Variants in PITPNC1 observed in about 807,000 individuals in gnomAD.
PITPNC1 encodes the protein phosphatidylinositol transfer protein cytoplasmic 1, also known as cytoplasmic phosphatidylinositol transfer protein 1.
A neutral mutation model predicts 44.7 loss-of-function variants in PITPNC1; 18 were observed. That is an observed-to-expected ratio of 0.40 (90% CI 0.28 to 0.60). The LOEUF is 0.60. Among genes scored for constraint, PITPNC1 ranks in the 20% least tolerant of loss-of-function variants. PITPNC1 has a pLI of 0.39. For missense variants in PITPNC1, 290 were observed against 418.4 expected (o/e 0.69, Z 2.68); for synonymous variants, 141 against 149.6 (o/e 0.94, Z 0.42).
intron 7 of PITPNC1, among the ~76,000 whole-genome samples, chr17:67,672,851 G>C (rs974658692): frequency 1.3e-5 from 2 of 152,102 alleles, no homozygotes; most frequent in Non-Finnish European, 2.9e-5. Flanking sequence ...TGGGTTGAAG[G>C]TGCCAGGGAT....
chr17:67,430,489 A>G (rs2038840232), intron 1 of PITPNC1, among the ~76,000 whole-genome samples: 1 of 149,754 alleles, frequency 6.7e-6, no homozygotes, highest in South Asian at 2.1e-4. Flanking sequence ...CTCTGTCTCA[A>G]AAACAAAAAC....
In PITPNC1 at chr17:67,553,607, C is replaced by G; in HGVS notation, c.287-3C>G. On this transcript the variant is annotated splice_region_variant and splice_polypyrimidine_tract_variant and intron_variant, in intron 3 of 8. Coordinates refer to ENST00000581322, the MANE Select transcript of PITPNC1 (RefSeq NM_012417.4). ...TCTTCTTCAAATGAACATGTGGAAA[C>G]AGAATACACAGTAAGTTCCATTTAA... 1 of 1,223,900 alleles carries G rather than the reference C, an allele frequency of 8.2e-7. No homozygotes were observed. Among genetic ancestry groups the G allele is most frequent in the Non-Finnish European group, 1.1e-6 (1 of 882,934 alleles). 75.8% of individuals were successfully genotyped at this position (1,223,900 alleles called of 1,614,324 possible). A position where few individuals can be genotyped will look rare whatever the true frequency, so the allele number is the denominator to read the frequency against.
At chr17:67,411,082 CAAAAAAA>C (rs11311248) in intron 1 of PITPNC1, among the ~76,000 whole-genome samples, 2 of 136,472 alleles carry the variant, frequency 1.5e-5, no homozygotes, top group Non-Finnish European at 3.1e-5. Context: ...ACTCCCATCT[CAAAAAAA>C]AAAAAAAAAT....
intron 1 of PITPNC1, among the ~76,000 whole-genome samples, chr17:67,399,618 A>G (rs1328204692): frequency 6.6e-6 from 1 of 152,240 alleles, no homozygotes; most frequent in African/African-American, 2.4e-5. Context: ...AAAGTGAAAG[A>G]ATGTGCATTA....
chr17:67,416,822 C>G (rs1262884525), intron 1 of PITPNC1, among the ~76,000 whole-genome samples: 2 of 151,698 alleles, frequency 1.3e-5, no homozygotes, highest in Non-Finnish European at 2.9e-5. Context: ...CTCTTTTTTT[C>G]TTTTTTTGAG....
At chr17:67,388,127 AT>A (rs1245817326) in intron 1 of PITPNC1, among the ~76,000 whole-genome samples, 1 of 152,048 alleles carries the variant, frequency 6.6e-6, no homozygotes, top group Non-Finnish European at 1.5e-5. Context: ...AAGGTTTAAA[AT>A]TTTTTCACTT....
chr17:67,498,384 A>G (rs889241643), intron 1 of PITPNC1, among the ~76,000 whole-genome samples: 5 of 152,218 alleles, frequency 3.3e-5, no homozygotes, highest in Non-Finnish European at 7.4e-5. Flanking sequence ...ATCTGCAGTC[A>G]GGAGTTCAAG....
intron 1 of PITPNC1, among the ~76,000 whole-genome samples, chr17:67,403,929 G>T (rs2038359686): frequency 6.6e-6 from 1 of 152,192 alleles, no homozygotes; most frequent in South Asian, 2.1e-4. Flanking sequence ...GGCTGAGGCA[G>T]GAGAATCCCT....
intron 1 of PITPNC1, among the ~76,000 whole-genome samples, chr17:67,439,613 T>C (rs1394396780): frequency 1.3e-5 from 2 of 152,166 alleles, no homozygotes; most frequent in Non-Finnish European, 2.9e-5. Flanking sequence ...CATTCATTTA[T>C]TGAAAAATGA....
chr17:67,546,467 C>T (rs1284515815), intron 2 of PITPNC1, among the ~76,000 whole-genome samples: 1 of 152,108 alleles, frequency 6.6e-6, no homozygotes, highest in Admixed American at 6.5e-5. Context: ...TCCCTGTGCT[C>T]CTGTAGGAAC....
At chr17:67,425,616 G>C (rs1184570264) in intron 1 of PITPNC1, among the ~76,000 whole-genome samples, 1 of 151,268 alleles carries the variant, frequency 6.6e-6, no homozygotes, top group African/African-American at 2.4e-5. Context: ...TGCACTCCTG[G>C]GCTCAAGCGA....
At chr17:67,425,195 A>AGGCGCGCG (rs2038736330) in intron 1 of PITPNC1, among the ~76,000 whole-genome samples, 1 of 116,440 alleles carries the variant, frequency 8.6e-6, no homozygotes, top group East Asian at 3.0e-4. Flanking sequence ...GTGCGCGCGC[A>AGGCGCGCG]CGCACACGCA....
At chr17:67,646,562 G>A (rs927388902) in intron 6 of PITPNC1, among the ~76,000 whole-genome samples, 9 of 152,066 alleles carry the variant, frequency 5.9e-5, no homozygotes, top group Admixed American at 2.6e-4. Context: ...TCTCACTGTC[G>A]CCCAAGCTGG....
rs376541017 is a variant in PITPNC1 at position 67,461,260 on chromosome 17, A to G, written c.49-71542A>G. ...TCAAATGAGAAGTAAAACATATTCT[A>G]TAAGTTTTGAAAATGCTTCTATAAA... On this transcript the variant is annotated intron_variant, in intron 1 of 8. Coordinates refer to ENST00000581322, the MANE Select transcript of PITPNC1 (RefSeq NM_012417.4). 1.2e-4 allele frequency among the ~76,000 whole-genome samples: 18 copies of G among 152,342 alleles called. No homozygotes were observed. The East Asian group carries it at 1.5e-3, about 13-fold the overall frequency.
In PITPNC1 at chr17:67,697,013, A is replaced by G. The variant is rs1245973197; in HGVS notation, c.*4125A>G. On this transcript the variant is annotated 3_prime_UTR_variant, in exon 9 of 9. Coordinates refer to ENST00000581322, the MANE Select transcript of PITPNC1 (RefSeq NM_012417.4). The stretch of plus-strand genomic sequence containing the variant: ...AGCTCAAGTGTAATTTGTAGTGTTT[A>G]CATTCAAGCTGGGATCTTGATTGGT... 6.6e-6 allele frequency: 1 copy of G among 152,210 alleles called. No individual in the cohort carries two copies. The highest frequency in any genetic ancestry group is 1.5e-5 in the Non-Finnish European group (1 of 68,044). The allele number at this position is 152,210 out of a possible 1,614,324, so 9.4% of individuals were successfully genotyped here.
In PITPNC1 at chr17:67,378,046, G is replaced by C. The variant is rs1437737984; in HGVS notation, c.-109G>C. ...GCCGCGGGGGCTGCTTCGCCCTCCG[G>C]CTCCGAGCGCCGGGCTCCGGGCGCC... On this transcript the variant is annotated 5_prime_UTR_variant, in exon 1 of 9. Coordinates refer to ENST00000581322, the MANE Select transcript of PITPNC1 (RefSeq NM_012417.4). 1 of 573,488 alleles carries C rather than the reference G, an allele frequency of 1.7e-6. No homozygotes were observed. Among genetic ancestry groups the C allele is most frequent in the Non-Finnish European group, 2.8e-6 (1 of 359,472 alleles). 35.5% of individuals were successfully genotyped at this position (573,488 alleles called of 1,614,324 possible). A position where few individuals can be genotyped will look rare whatever the true frequency, so the allele number is the denominator to read the frequency against.
intron 2 of PITPNC1, among the ~76,000 whole-genome samples, chr17:67,535,029 C>T (rs903539886): frequency 6.6e-6 from 1 of 152,226 alleles, no homozygotes; most frequent in Non-Finnish European, 1.5e-5. Flanking sequence ...CTCCCAGACC[C>T]GTGTCCTGAC....
intron 1 of PITPNC1, among the ~76,000 whole-genome samples, chr17:67,423,652 A>T (rs1303139091): frequency 6.6e-6 from 1 of 152,150 alleles, no homozygotes; most frequent in African/African-American, 2.4e-5. Flanking sequence ...GCATTTGAAT[A>T]AGGATGGATG....
At chr17:67,622,137 G>C (rs1459329019) in intron 5 of PITPNC1, among the ~76,000 whole-genome samples, 3 of 151,642 alleles carry the variant, frequency 2.0e-5, no homozygotes, top group African/African-American at 7.3e-5. Context: ...GGCGCCTGTA[G>C]TCCCAGCTAC....
Sources: gnomAD v4.1 joint callset for allele counts (sites outside exome capture counted in the v4.1 genomes callset) on GRCh38, gnomAD v4.1.1 for gene constraint, MANE v1.5 for transcripts, NCBI Gene and HGNC (gene_info 2026-07-23, HGNC 2026-07-21) for gene names.